The following YAP1 variants were observed in gnomAD, a reference collection of about 807,000 sequenced individuals.
YAP1 encodes Yes1 associated transcriptional regulator, also known as transcriptional coactivator YAP1.
In YAP1, 5 loss-of-function variants were observed where a neutral mutation model predicts 56.9. The ratio of observed to expected loss-of-function variants is 0.09; its 90% CI spans 0.05 to 0.18. The LOEUF is 0.18. YAP1 is among the 10% of genes least tolerant of loss of function. The pLI, the probability that YAP1 is intolerant of heterozygous loss-of-function variation, is 1.00. For synonymous variants in YAP1, 265 were observed against 248.1 expected (o/e 1.07, Z -0.64); for missense variants, 539 against 651.8 (o/e 0.83, Z 1.88).
At chr11:102,189,202 T>A (rs919850725) in intron 4 of YAP1, among the ~76,000 whole-genome samples, 2 of 152,124 alleles carry the variant, frequency 1.3e-5, no homozygotes, top group Non-Finnish European at 2.9e-5. Context: ...CCCTGGAGAT[T>A]TTGTACTGGC....
intron 3 of YAP1, among the ~76,000 whole-genome samples, chr11:102,175,535 A>G (rs1354504040): frequency 6.6e-6 from 1 of 152,260 alleles, no homozygotes; most frequent in East Asian, 1.9e-4. Context: ...GTATTGCTTA[A>G]TGACTGGGAT....
At position 102,163,573 on chromosome 11, in the gene YAP1, C is replaced by A. The variant is rs547273145; in HGVS notation, c.688+1002C>A. 1.8e-4 allele frequency among the ~76,000 whole-genome samples: 28 copies of A among 152,340 alleles called. No individual in the cohort carries two copies. In the South Asian group the frequency reaches 5.6e-3, roughly 30 times the overall value. On this transcript the variant is annotated intron_variant, in intron 3 of 8. Coordinates refer to ENST00000282441, the MANE Select transcript of YAP1 (RefSeq NM_001130145.3). ...CTGCTCAGTGCCCAGGTTCAGGACA[C>A]AGATGGCAACAATAGTATGTGGCAG...
intron 2 of YAP1, among the ~76,000 whole-genome samples, chr11:102,138,252 A>G (rs1021394038): frequency 6.6e-6 from 1 of 152,252 alleles, no homozygotes. Flanking sequence ...GGAAAAAATT[A>G]GTGGCCTAAA....
intron 4 of YAP1, chr11:102,186,453 A>C: frequency 3.3e-6 from 1 of 306,904 alleles, no homozygotes; most frequent in Non-Finnish European, 6.2e-6. Flanking sequence ...TTTAGCTGCA[A>C]TAATAATCAG....
intron 5 of YAP1, among the ~76,000 whole-genome samples, chr11:102,206,769 G>A (rs1353068233): frequency 6.6e-6 from 1 of 152,192 alleles, no homozygotes; most frequent in Non-Finnish European, 1.5e-5. Context: ...CTTGAGCTTC[G>A]GAGGCAGAGG....
At chr11:102,136,601 C>T (rs1337444691) in intron 2 of YAP1, among the ~76,000 whole-genome samples, 1 of 152,186 alleles carries the variant, frequency 6.6e-6, no homozygotes, top group East Asian at 1.9e-4. Flanking sequence ...GATCCACCTG[C>T]CTCAGCCTCC....
intron 2 of YAP1, among the ~76,000 whole-genome samples, chr11:102,136,412 C>T (rs1248244164): frequency 6.6e-6 from 1 of 151,546 alleles, no homozygotes; most frequent in Non-Finnish European, 1.5e-5. Flanking sequence ...ACAATCTCGG[C>T]TCACTGCAAC....
At chr11:102,129,795 C>CTTT (rs773044206) in intron 2 of YAP1, among the ~76,000 whole-genome samples, 12 of 102,076 alleles carry the variant, frequency 1.2e-4, no homozygotes, top group Admixed American at 3.1e-4. Flanking sequence ...GGAAGCAAAA[C>CTTT]TTTTTTTTTT....
intron 2 of YAP1, among the ~76,000 whole-genome samples, chr11:102,142,058 A>G (rs1348041457): frequency 6.6e-6 from 1 of 152,234 alleles, no homozygotes; most frequent in East Asian, 1.9e-4. Context: ...TTTCATGTAG[A>G]ATAAAGTATA....
intron 2 of YAP1, among the ~76,000 whole-genome samples, chr11:102,161,053 CTTTTTTTTTTTTT>C (rs67023819): frequency 1.1e-4 from 8 of 75,492 alleles, no homozygotes; most frequent in Admixed American, 7.6e-4. Flanking sequence ...TAATTTCTTT[CTTTTTTTTTTTTT>C]TTTTTTTTTT....
intron 3 of YAP1, among the ~76,000 whole-genome samples, chr11:102,177,000 T>G (rs941274382): frequency 5.9e-5 from 9 of 151,956 alleles, no homozygotes; most frequent in African/African-American, 2.2e-4. Flanking sequence ...AGAAACTATA[T>G]GTAGACAAGT....
chr11:102,117,870 ACT>A (rs976914103), intron 2 of YAP1, among the ~76,000 whole-genome samples: 1 of 152,136 alleles, frequency 6.6e-6, no homozygotes, highest in African/African-American at 2.4e-5. Flanking sequence ...TCTCTTTATG[ACT>A]CTGAGAGTTA....
intron 4 of YAP1, among the ~76,000 whole-genome samples, chr11:102,192,311 T>C (rs1160780035): frequency 6.6e-6 from 1 of 152,248 alleles, no homozygotes; most frequent in Non-Finnish European, 1.5e-5. Context: ...TGGATGTCCT[T>C]CATTTTGCTA....
chr11:102,228,136 T>C (rs1188142223), intron 8 of YAP1, among the ~76,000 whole-genome samples: 1 of 152,102 alleles, frequency 6.6e-6, no homozygotes, highest in Non-Finnish European at 1.5e-5. Context: ...AGCATGTTGA[T>C]CTTAATTGGC....
intron 4 of YAP1, among the ~76,000 whole-genome samples, chr11:102,191,560 T>TA (rs1268014683): frequency 1.3e-5 from 2 of 152,222 alleles, no homozygotes; most frequent in Non-Finnish European, 2.9e-5. Flanking sequence ...CTAATGCTGA[T>TA]ACATGAAAAT....
rs1272431435 is a variant in YAP1, at chr11:102,219,364, C to G, written c.1033-4258C>G. Among the ~76,000 whole-genome samples the G allele has an allele frequency of 2.0e-5, 3 of 152,180 alleles. No homozygotes were observed. In the East Asian group the frequency reaches 5.8e-4, roughly 29 times the overall value. On this transcript the variant is annotated intron_variant, in intron 6 of 8. Transcript: ENST00000282441. ...GATATTTTGTGATAAGTGCTGTGTT[C>G]AGGATGTTAAAGACATGACATGTCT...
At chr11:102,127,853 T>G (rs1474612399) in intron 2 of YAP1, among the ~76,000 whole-genome samples, 1 of 152,188 alleles carries the variant, frequency 6.6e-6, no homozygotes, top group Non-Finnish European at 1.5e-5. Flanking sequence ...AATCCATCTC[T>G]TGTATCAGTG....
intron 7 of YAP1, among the ~76,000 whole-genome samples, chr11:102,224,787 G>A (rs1950114542): frequency 6.6e-6 from 1 of 152,216 alleles, no homozygotes; most frequent in African/African-American, 2.4e-5. Flanking sequence ...AGTTCTAAAA[G>A]TAAGTGTATT....
At chr11:102,151,020 C>CG (rs1565205142) in intron 2 of YAP1, among the ~76,000 whole-genome samples, 23 of 151,738 alleles carry the variant, frequency 1.5e-4, no homozygotes, top group African/African-American at 4.8e-4. Flanking sequence ...AGGCTGGTCT[C>CG]AAATGCCTGA....
Sources: gnomAD v4.1 joint callset for allele counts (sites outside exome capture counted in the v4.1 genomes callset) on GRCh38, gnomAD v4.1.1 for gene constraint, MANE v1.5 for transcripts, NCBI Gene and HGNC (gene_info 2026-07-23, HGNC 2026-07-21) for gene names.